AUTS2: variants seen among roughly 807,000 people sequenced by gnomAD.
AUTS2 encodes activator of transcription and developmental regulator AUTS2.
AUTS2 carries 17 observed loss-of-function variants against 112.4 expected under a neutral mutation model. The observed-to-expected ratio is 0.15, with a 90% CI of 0.10 to 0.23. The LOEUF (loss-of-function observed/expected upper bound fraction) is 0.23. AUTS2 is among the 10% of genes least tolerant of loss of function. AUTS2 has a pLI of 1.00. For missense variants in AUTS2, 1,510 were observed against 1,701.6 expected (o/e 0.89, Z 1.98); for synonymous variants, 751 against 702.7 (o/e 1.07, Z -1.09).
chr7:70,767,987 G>T (rs1330236456), intron 9 of AUTS2, 37 bp from the exon 10 acceptor site: 1 of 1,607,212 alleles, frequency 6.2e-7, no homozygotes, highest in Non-Finnish European at 8.5e-7. Context: ...CAAAAATGCA[G>T]ATTAAGTAAC....
At chr7:69,732,647 T>C (rs1786849705) in intron 1 of AUTS2, among the ~76,000 whole-genome samples, 1 of 152,146 alleles carries the variant, frequency 6.6e-6, no homozygotes, top group Non-Finnish European at 1.5e-5. Context: ...GGCCCAAATA[T>C]GAGGTATCTG....
chr7:69,764,504 G>A (rs1017297927), intron 1 of AUTS2, among the ~76,000 whole-genome samples: 1 of 151,888 alleles, frequency 6.6e-6, no homozygotes, highest in African/African-American at 2.4e-5. Context: ...AGTTCTTAGA[G>A]ACAACTGGGA....
At chr7:70,418,758 G>T (rs1468901917) in intron 4 of AUTS2, among the ~76,000 whole-genome samples, 2 of 150,430 alleles carry the variant, frequency 1.3e-5, no homozygotes. Context: ...AATCGTTAAA[G>T]ATCAAAAACG....
intron 4 of AUTS2, among the ~76,000 whole-genome samples, chr7:70,226,051 T>C (rs1266822826): frequency 1.3e-5 from 2 of 152,224 alleles, no homozygotes; most frequent in Non-Finnish European, 2.9e-5. Context: ...AACCAGTTTA[T>C]TCAATTGAAC....
At chr7:69,643,064 ATTTCCT>A (rs1233097907) in intron 1 of AUTS2, among the ~76,000 whole-genome samples, 2 of 152,176 alleles carry the variant, frequency 1.3e-5, no homozygotes, top group East Asian at 3.9e-4. Context: ...GGTGGAACTT[ATTTCCT>A]TGCAGCTGGA....
At chr7:69,875,566 T>A (rs534736825) in intron 1 of AUTS2, among the ~76,000 whole-genome samples, 1 of 151,890 alleles carries the variant, frequency 6.6e-6, no homozygotes, top group Admixed American at 6.6e-5. Flanking sequence ...GTAGAGCCTG[T>A]GGGATGAAAA....
intron 1 of AUTS2, among the ~76,000 whole-genome samples, chr7:69,821,804 T>A (rs1190429718): frequency 6.6e-6 from 1 of 151,430 alleles, no homozygotes; most frequent in East Asian, 2.0e-4. Context: ...CAGTCCAAGC[T>A]ACTCCAGAGG....
intron 6 of AUTS2, among the ~76,000 whole-genome samples, chr7:70,715,156 CTTCT>C (rs1563147272): frequency 6.6e-6 from 1 of 152,160 alleles, no homozygotes; most frequent in Non-Finnish European, 1.5e-5. Flanking sequence ...CAATTCTCTC[CTTCT>C]AATTGCATGT....
chr7:69,744,589 T>C (rs1295134906), intron 1 of AUTS2, among the ~76,000 whole-genome samples: 1 of 151,924 alleles, frequency 6.6e-6, no homozygotes, highest in Non-Finnish European at 1.5e-5. Context: ...TCTTAGCACT[T>C]TGGGAGGCTG....
chr7:70,569,383 C>T (rs1486591107), intron 5 of AUTS2, among the ~76,000 whole-genome samples: 1 of 152,152 alleles, frequency 6.6e-6, no homozygotes, highest in Non-Finnish European at 1.5e-5. Context: ...CCCATAAAGC[C>T]GATCTTTCCA....
At chr7:70,317,801 T>G (rs1790066482) in intron 4 of AUTS2, among the ~76,000 whole-genome samples, 1 of 152,192 alleles carries the variant, frequency 6.6e-6, no homozygotes, top group Non-Finnish European at 1.5e-5. Flanking sequence ...TCTGTCTCAT[T>G]TGCGGACGTG....
At chr7:69,808,944 C>T (rs1421513998) in intron 1 of AUTS2, among the ~76,000 whole-genome samples, 2 of 152,154 alleles carry the variant, frequency 1.3e-5, no homozygotes, top group Non-Finnish European at 2.9e-5. Flanking sequence ...CTGGACATCA[C>T]ACCCTTTTGA....
At chr7:70,407,032 C>A (rs1313896011) in intron 4 of AUTS2, among the ~76,000 whole-genome samples, 1 of 152,322 alleles carries the variant, frequency 6.6e-6, no homozygotes, top group Non-Finnish European at 1.5e-5. Context: ...AAAAACTGAG[C>A]TGGCCAAATA....
At chr7:70,666,186 G>A (rs779755678) in intron 5 of AUTS2, among the ~76,000 whole-genome samples, 1 of 152,188 alleles carries the variant, frequency 6.6e-6, no homozygotes, top group Non-Finnish European at 1.5e-5. Context: ...TGCCCTCTCT[G>A]TGCCCCAATT....
At chr7:69,702,486 T>C (rs1797861577) in intron 1 of AUTS2, among the ~76,000 whole-genome samples, 1 of 152,160 alleles carries the variant, frequency 6.6e-6, no homozygotes, top group Non-Finnish European at 1.5e-5. Flanking sequence ...AGTATATATA[T>C]AGGAGGACTT....
chr7:70,414,596 C>G (rs1313071900), intron 4 of AUTS2, among the ~76,000 whole-genome samples: 3 of 152,018 alleles, frequency 2.0e-5, no homozygotes, highest in Admixed American at 1.3e-4. Flanking sequence ...AGTGGGGAGA[C>G]AATTATGAGA....
At chr7:70,272,030 G>A (rs905708289) in intron 4 of AUTS2, among the ~76,000 whole-genome samples, 9 of 152,122 alleles carry the variant, frequency 5.9e-5, no homozygotes, top group African/African-American at 1.9e-4. Flanking sequence ...ACCAACTAAT[G>A]AGATTGAGCC....
intron 4 of AUTS2, chr7:70,294,181 A>T (rs1562857551): frequency 6.6e-6 from 1 of 152,234 alleles, no homozygotes; most frequent in African/African-American, 2.4e-5. Context: ...AAGGCATTGC[A>T]TAGCTGGAAG....
At chr7:70,559,825 T>A (rs1325373945) in intron 5 of AUTS2, among the ~76,000 whole-genome samples, 1 of 152,216 alleles carries the variant, frequency 6.6e-6, no homozygotes, top group Non-Finnish European at 1.5e-5. Flanking sequence ...ATTCCCATTG[T>A]TATGCCCTAC....
Sources: allele counts gnomAD v4.1 joint callset (sites outside exome capture counted in the v4.1 genomes callset), GRCh38; gene constraint gnomAD v4.1.1; transcripts MANE v1.5; gene names NCBI Gene and HGNC (gene_info 2026-07-23, HGNC 2026-07-21).